SLC22A23: variants seen among roughly 807,000 people sequenced by gnomAD.
The protein encoded by SLC22A23 is ion transporter protein.
A neutral mutation model predicts 61.0 loss-of-function variants in SLC22A23; 26 were observed. The ratio of observed to expected loss-of-function variants is 0.43; its 90% CI spans 0.31 to 0.59. SLC22A23 has a LOEUF of 0.59. SLC22A23 is among the 20% of genes least tolerant of loss of function. SLC22A23 has a pLI of 0.11. For missense variants in SLC22A23, 796 were observed against 934.7 expected (o/e 0.85, Z 1.94); for synonymous variants, 430 against 413.9 (o/e 1.04, Z -0.47).
chr6:3,316,637 C>T (rs544361398), intron 4 of SLC22A23, among the ~76,000 whole-genome samples: 7 of 152,162 alleles, frequency 4.6e-5, no homozygotes, highest in Admixed American at 6.5e-5. Flanking sequence ...TTAGAGCAGA[C>T]GAGCACGTTG....
rs909960218 is a variant in SLC22A23, at chr6:3,317,841, C to T, written c.1082+5993G>A. Among the ~76,000 whole-genome samples the T allele has an allele frequency of 1.3e-5, 2 of 152,184 alleles. No homozygotes were observed. Among genetic ancestry groups the T allele is most frequent in the African/African-American group, 4.8e-5 (2 of 41,442 alleles). ...GAGAGGACCAGGCGAGCGCACCCTC[C>T]CATTCTCTGGCCACCAGCTGCCGCA... On this transcript the variant is annotated intron_variant, in intron 4 of 9. Coordinates refer to ENST00000406686, the MANE Select transcript of SLC22A23 (RefSeq NM_015482.2). The surrounding 1 kb of genome is among the most constrained non-coding windows in gnomAD (Gnocchi z 4.4).
In SLC22A23 at chr6:3,323,856, G is replaced by A. The variant is rs1456460934; in HGVS notation, c.1060C>T (p.Leu354=). Residue 354 remains leucine (L), a synonymous_variant, in exon 4 of 10, where the codon CTG becomes TTG. Transcript: ENST00000406686. ...VLQALIICPF[L]LMLLYWSIFP... The stretch of plus-strand genomic sequence containing the variant: ...CACGACCAGTAGAGCAGCATGAGCA[G>A]GAAGGGGCAGATGATGAGGGCCTGC... 1 of 1,613,912 alleles carries A rather than the reference G, an allele frequency of 6.2e-7. No homozygotes were observed. Among genetic ancestry groups the A allele is most frequent in the Non-Finnish European group, 8.5e-7 (1 of 1,179,984 alleles).
rs1170165550 is a variant in SLC22A23, at chr6:3,272,896, T to C, written c.*159A>G. On this transcript the variant is annotated 3_prime_UTR_variant, in exon 10 of 10. Coordinates refer to ENST00000406686, the MANE Select transcript of SLC22A23 (RefSeq NM_015482.2). ...AGAGTTTGTCTCCTCCGACCCGCGC[T>C]CCTTGGACTTTTGGAAAGACAGGAT... 1 of 639,426 alleles carries C rather than the reference T, an allele frequency of 1.6e-6. No homozygotes were observed. The highest frequency in any genetic ancestry group is 3.0e-5 in the Admixed American group (1 of 33,712). 39.6% of individuals were successfully genotyped at this position (639,426 alleles called of 1,614,324 possible).
At chr6:3,429,312 T>C (rs575451733) in intron 1 of SLC22A23, among the ~76,000 whole-genome samples, 2 of 152,322 alleles carry the variant, frequency 1.3e-5, no homozygotes, top group East Asian at 3.9e-4. Flanking sequence ...AGTTTATAAC[T>C]GCTAATTGGT....
rs564143277 is a variant in SLC22A23 at position 3,330,440 on chromosome 6, G to A, written c.914-6438C>T. On this transcript the variant is annotated intron_variant, in intron 3 of 9. Transcript: ENST00000406686. The surrounding 1 kb of genome is among the most constrained non-coding windows in gnomAD (Gnocchi z 4.7). ...AACTGCAGGGAGCTTCCTCTTACTC[G>A]CTGGCCTCACCATCTCCCAGACCAC... 1.3e-5 allele frequency among the ~76,000 whole-genome samples: 2 copies of A among 152,040 alleles called. No homozygotes were observed. The highest frequency in any genetic ancestry group is 2.1e-4 in the South Asian group (1 of 4,828).
intron 4 of SLC22A23, among the ~76,000 whole-genome samples, chr6:3,320,137 GAT>G (rs1246906856): frequency 6.6e-6 from 1 of 152,216 alleles, no homozygotes; most frequent in African/African-American, 2.4e-5. Context: ...CTCTGGTTCA[GAT>G]GCCCTGGGAG....
At chr6:3,394,644 A>G (rs1561949082) in intron 3 of SLC22A23, among the ~76,000 whole-genome samples, 1 of 152,108 alleles carries the variant, frequency 6.6e-6, no homozygotes, top group Non-Finnish European at 1.5e-5. Context: ...CCCCCCAAAC[A>G]CAAAGCAAAG....
intron 9 of SLC22A23, chr6:3,283,583 A>G (rs1759682020): frequency 4.6e-6 from 2 of 431,306 alleles, no homozygotes; most frequent in Admixed American, 6.8e-5. Context: ...AGACGCTCAG[A>G]CACTGACATA....
intron 9 of SLC22A23, among the ~76,000 whole-genome samples, chr6:3,277,219 A>T (rs528367396): frequency 1.3e-5 from 2 of 152,166 alleles, no homozygotes; most frequent in South Asian, 4.2e-4. Context: ...CCATGGGCCT[A>T]AAGCCTCCAG....
At chr6:3,320,583 G>A (rs962072720) in intron 4 of SLC22A23, among the ~76,000 whole-genome samples, 2 of 152,182 alleles carry the variant, frequency 1.3e-5, no homozygotes, top group Non-Finnish European at 2.9e-5. Flanking sequence ...ATGCTGGCTG[G>A]TGCTACAGCT....
At chr6:3,377,641 G>T (rs9503570) in intron 3 of SLC22A23, among the ~76,000 whole-genome samples, 23 of 146,810 alleles carry the variant, frequency 1.6e-4, no homozygotes, top group African/African-American at 3.8e-4. Flanking sequence ...TCCAAGTCTC[G>T]CACTGAACGT....
rs149781767 is a variant in SLC22A23 at position 3,274,468 on chromosome 6, G to C, written c.1704-1056C>G. 1.1e-3 allele frequency among the ~76,000 whole-genome samples: 164 copies of C among 152,254 alleles called. 1 individual carries two copies. Among genetic ancestry groups the C allele is most frequent in the African/African-American group, 3.9e-3 (160 of 41,534 alleles). ...TTTGGTTTGGGGAAGCTTTCTAATGGGCTGCTCGTTAGGCACCCCCTTGAA... is the reference window on the plus strand; with the variant it reads ...TTTGGTTTGGGGAAGCTTTCTAATGCGCTGCTCGTTAGGCACCCCCTTGAA... On this transcript the variant is annotated intron_variant, in intron 9 of 9. Coordinates refer to ENST00000406686, the MANE Select transcript of SLC22A23 (RefSeq NM_015482.2).
intron 5 of SLC22A23, among the ~76,000 whole-genome samples, chr6:3,293,008 A>C (rs1490290646): frequency 2.0e-5 from 3 of 152,188 alleles, no homozygotes; most frequent in Non-Finnish European, 4.4e-5. Context: ...CTGGTGTGAG[A>C]GGTAAACCAG....
chr6:3,374,569 A>C (rs1323068040), intron 3 of SLC22A23, among the ~76,000 whole-genome samples: 1 of 152,256 alleles, frequency 6.6e-6, no homozygotes, highest in Non-Finnish European at 1.5e-5. Flanking sequence ...GGGCGGGCTG[A>C]AACTATGATG....
chr6:3,452,840 G>T (rs1231633611), intron 1 of SLC22A23, among the ~76,000 whole-genome samples: 3 of 152,064 alleles, frequency 2.0e-5, no homozygotes, highest in Non-Finnish European at 4.4e-5. Context: ...GATCCTAACG[G>T]GAGAGATCTA....
Position 3,317,808 on chromosome 6 carries a change from A to G in SLC22A23, c.1082+6026T>C, listed in dbSNP as rs147234945. Among the ~76,000 whole-genome samples the G allele has an allele frequency of 2.8e-4, 43 of 152,180 alleles. No homozygotes were observed. Among genetic ancestry groups the G allele is most frequent in the Middle Eastern group, 6.8e-3 (2 of 294 alleles). ...CTAAGTGCTCAAGTTTGACTCTGCAAACCACACGAGAGGACCAGGCGAGCG... is the reference window on the plus strand; with the variant it reads ...CTAAGTGCTCAAGTTTGACTCTGCAGACCACACGAGAGGACCAGGCGAGCG... On this transcript the variant is annotated intron_variant, in intron 4 of 9. Transcript: ENST00000406686. The surrounding 1 kb of genome is among the most constrained non-coding windows in gnomAD (Gnocchi z 4.4).
At chr6:3,338,953 G>A (rs57845181) in intron 3 of SLC22A23, among the ~76,000 whole-genome samples, 4,141 of 152,218 alleles carry the variant, frequency 0.027, 216 homozygotes, top group African/African-American at 0.095. Flanking sequence ...AGGTACCCAG[G>A]AAGCCCCAAC....
chr6:3,269,689 G>A lies in SLC22A23; in HGVS notation c.*3366C>T, dbSNP rs931347781. The A allele has an allele frequency of 2.6e-5, 4 of 152,778 alleles. No individual in the cohort carries two copies. Among genetic ancestry groups the A allele is most frequent in the African/African-American group, 9.7e-5 (4 of 41,432 alleles). The allele number at this position is 152,778 out of a possible 1,614,324, so 9.5% of individuals were successfully genotyped here. A position where few individuals can be genotyped will look rare whatever the true frequency, so the allele number is the denominator to read the frequency against. ...GAGGGAAGTGTTCGCCGCTAGACAT[G>A]ACACACCATACTGCTTTTCCAAAAC... On this transcript the variant is annotated 3_prime_UTR_variant, in exon 10 of 10. Transcript: ENST00000406686.
At chr6:3,296,180 T>C (rs1342845880) in intron 5 of SLC22A23, among the ~76,000 whole-genome samples, 3 of 152,236 alleles carry the variant, frequency 2.0e-5, no homozygotes, top group African/African-American at 7.2e-5. Flanking sequence ...TGGGGAAATC[T>C]GGGAAAGCCA....
Sources: gnomAD v4.1 joint callset for allele counts (sites outside exome capture counted in the v4.1 genomes callset) on GRCh38, gnomAD v4.1.1 for gene constraint, Gnocchi (gnomAD v3.1) non-coding constraint, MANE v1.5 for transcripts, NCBI Gene and HGNC (gene_info 2026-07-23, HGNC 2026-07-21) for gene names.